The following EAF2 variants were observed in gnomAD, a reference collection of about 807,000 sequenced individuals.
EAF2 encodes the protein ELL associated factor 2.
Under a neutral mutation model 29.4 loss-of-function variants are expected in EAF2, and 29 were observed. The observed-to-expected ratio is 0.99, with a 90% CI of 0.73 to 1.35. EAF2 has a LOEUF of 1.35. Among genes scored for constraint, EAF2 ranks in the 40% most tolerant of loss-of-function variants. EAF2 has a pLI of 0.00. For missense variants in EAF2, 292 were observed against 312.0 expected, an observed-to-expected ratio of 0.94 and a Z score of 0.48; for synonymous variants, 103 against 102.5, an observed-to-expected ratio of 1.00 and a Z score of -0.03.
At position 121,886,356 on chromosome 3, in the gene EAF2, C is replaced by G. The variant is rs750017261; in HGVS notation, c.751C>G (p.Leu251Val). ...TCTTATTTTAGGAAATGATTTGCAG[C>G]TGAGTGAATCAGGAAGTGACAGTGA... is the stretch of plus-strand genomic sequence containing the variant. Reference protein sequence around the residue: ...LMNTLRNDLQLSESGSDSDD With the variant: ...LMNTLRNDLQVSESGSDSDD The change falls in exon 6 of 6, where the codon CTG becomes GTG. Residue 251 changes from leucine to valine, a missense_variant. By Grantham distance (32) the Leu-to-Val change is conservative (BLOSUM62 1). Coordinates refer to ENST00000273668, the MANE Select transcript of EAF2 (RefSeq NM_018456.6). 2.0e-6 allele frequency: 3 copies of G among 1,488,116 alleles called. No individual in the cohort carries two copies. In the South Asian group the frequency reaches 4.4e-5, roughly 22 times the overall value. The allele number at this position is 1,488,116 out of a possible 1,614,324, so 92.2% of individuals were successfully genotyped here. A position where few individuals can be genotyped will look rare whatever the true frequency, so the allele number is the denominator to read the frequency against.
chr3:121,872,337 T>G (rs2107539535), intron 4 of EAF2, among the ~76,000 whole-genome samples, 200 bp from the exon 5 acceptor site: 1 of 152,060 alleles, frequency 6.6e-6, no homozygotes, highest in East Asian at 1.9e-4. Context: ...TGTCTATCCC[T>G]TTTAGTTTCT....
chr3:121,871,435 G>A (rs1225444330), intron 4 of EAF2, among the ~76,000 whole-genome samples: 1 of 151,808 alleles, frequency 6.6e-6, no homozygotes, highest in African/African-American at 2.4e-5. Context: ...TGATCTCAGT[G>A]GTAGATATAC....
intron 4 of EAF2, among the ~76,000 whole-genome samples, chr3:121,862,235 A>G (rs1022713294): frequency 3.9e-5 from 6 of 152,246 alleles, no homozygotes; most frequent in African/African-American, 1.4e-4. Flanking sequence ...TAGGTTGGGG[A>G]AGTTCTCCTG....
At position 121,857,247 on chromosome 3, in the gene EAF2, A is replaced by G. The variant is rs1048793768; in HGVS notation, c.484+91A>G. On this transcript the variant is annotated intron_variant, in intron 4 of 5. Coordinates refer to ENST00000273668, the MANE Select transcript of EAF2 (RefSeq NM_018456.6). Reference sequence around the variant, plus strand: ...GGTGGCTCACACCTGTAATCCCAGCACTTTAGGAGGCCGAGGCAGGCGGAT... The same window carrying G: ...GGTGGCTCACACCTGTAATCCCAGCGCTTTAGGAGGCCGAGGCAGGCGGAT... 38 of 1,168,024 alleles carry G rather than the reference A, an allele frequency of 3.3e-5. No homozygotes were observed. In the Admixed American group the frequency reaches 6.5e-4, roughly 20 times the overall value. 72.4% of individuals were successfully genotyped at this position (1,168,024 alleles called of 1,614,324 possible).
intron 4 of EAF2, among the ~76,000 whole-genome samples, chr3:121,860,691 G>A (rs183561270): frequency 7.9e-5 from 12 of 152,046 alleles, no homozygotes; most frequent in South Asian, 2.1e-4. Flanking sequence ...TCTGATCTTA[G>A]TTATTTCTTG....
intron 2 of EAF2, among the ~76,000 whole-genome samples, chr3:121,847,403 C>T (rs1041370022): frequency 3.3e-5 from 5 of 152,054 alleles, no homozygotes; most frequent in African/African-American, 1.2e-4. Context: ...AAGAAAAAGA[C>T]AAGGACTAAG....
intron 4 of EAF2, among the ~76,000 whole-genome samples, chr3:121,864,690 C>T (rs1347811404): frequency 6.6e-6 from 1 of 151,904 alleles, no homozygotes; most frequent in Non-Finnish European, 1.5e-5. Context: ...GTGGTGTATG[C>T]CTGTAGTCCC....
rs1002382852 is a variant in EAF2, at chr3:121,835,321, T to C, written c.36T>C (p.Arg12=). ...CAGCGGGATTCTCACACCTAGACCG[T>C]CGCGAGCGGGTTCTCAAGTTAGGGG... ...NSAAGFSHLD[R]RERVLKLGES... The change falls in exon 1 of 6, where the codon CGT becomes CGC. Residue 12 remains arginine, a synonymous_variant. Transcript: ENST00000273668. 1 of 1,614,202 alleles carries C rather than the reference T, an allele frequency of 6.2e-7. No individual in the cohort carries two copies.
intron 4 of EAF2, among the ~76,000 whole-genome samples, chr3:121,864,096 T>G (rs987748879): frequency 3.9e-5 from 6 of 152,210 alleles, no homozygotes; most frequent in Admixed American, 6.5e-5. Flanking sequence ...GAGGTATTTT[T>G]GGGGAAGTAC....
chr3:121,872,074 A>G (rs550079182), intron 4 of EAF2, among the ~76,000 whole-genome samples: 21 of 149,630 alleles, frequency 1.4e-4, no homozygotes, highest in African/African-American at 5.2e-4. Flanking sequence ...ATCCTTATTA[A>G]GGGAGCAGGG....
chr3:121,840,829 A>G (rs931953827), intron 1 of EAF2, among the ~76,000 whole-genome samples: 1 of 136,882 alleles, frequency 7.3e-6, no homozygotes, highest in African/African-American at 2.8e-5. Flanking sequence ...AAAAAAAGGT[A>G]AATAATATCA....
intron 2 of EAF2, among the ~76,000 whole-genome samples, chr3:121,853,172 TTATG>T (rs1298427454): frequency 1.3e-5 from 2 of 152,198 alleles, no homozygotes; most frequent in Admixed American, 1.3e-4. Context: ...CAATGCTTAC[TTATG>T]TATCTCTAAC....
At chr3:121,871,144 A>C (rs915471860) in intron 4 of EAF2, among the ~76,000 whole-genome samples, 1 of 151,744 alleles carries the variant, frequency 6.6e-6, no homozygotes, top group Admixed American at 6.6e-5. Flanking sequence ...TAAGTAGAAA[A>C]TGGGTAACTA....
chr3:121,845,273 A>G (rs1384945906), intron 2 of EAF2, among the ~76,000 whole-genome samples: 1 of 151,932 alleles, frequency 6.6e-6, no homozygotes, highest in Non-Finnish European at 1.5e-5. Flanking sequence ...CCCTGACTCT[A>G]CTAAAAATAC....
At position 121,886,415 on chromosome 3, in the gene EAF2, T is replaced by G; in HGVS notation, c.*27T>G. 2 of 1,325,086 alleles carry G rather than the reference T, an allele frequency of 1.5e-6. No homozygotes were observed. The highest frequency in any genetic ancestry group is 2.0e-6 in the Non-Finnish European group (2 of 988,920). The allele number at this position is 1,325,086 out of a possible 1,614,324, so 82.1% of individuals were successfully genotyped here. ...GAAATATTTAGCTATAAATAAAAAT[T>G]TATACAGCATGTATAATTTATTTTG... On this transcript the variant is annotated 3_prime_UTR_variant, in exon 6 of 6. Transcript: ENST00000273668.
chr3:121,850,981 G>A (rs7627704), intron 2 of EAF2, among the ~76,000 whole-genome samples: 3 of 152,124 alleles, frequency 2.0e-5, no homozygotes, highest in African/African-American at 4.8e-5. Context: ...GATTGCAAGC[G>A]TGAGCCACCG....
chr3:121,871,002 C>A (rs1028857554), intron 4 of EAF2, among the ~76,000 whole-genome samples: 9 of 151,966 alleles, frequency 5.9e-5, no homozygotes, highest in Non-Finnish European at 1.3e-4. Flanking sequence ...TAAACCTATG[C>A]CTATTGTGAC....
At chr3:121,855,052 G>A (rs1459853655) in intron 3 of EAF2, among the ~76,000 whole-genome samples, 1 of 152,112 alleles carries the variant, frequency 6.6e-6, no homozygotes, top group East Asian at 1.9e-4. Flanking sequence ...CTTTCTATAG[G>A]TATAGGTACA....
intron 5 of EAF2, among the ~76,000 whole-genome samples, chr3:121,885,905 A>G (rs554137537): frequency 1.7e-3 from 258 of 152,346 alleles, no homozygotes; most frequent in African/African-American, 6.1e-3. Flanking sequence ...GTAAGTACAT[A>G]GATGAATTAC....
Sources: gnomAD v4.1 joint callset for allele counts (sites outside exome capture counted in the v4.1 genomes callset) on GRCh38, gnomAD v4.1.1 for gene constraint, MANE v1.5 for transcripts, NCBI Gene and HGNC (gene_info 2026-07-23, HGNC 2026-07-21) for gene names.